The following MFSD1 variants were observed in gnomAD, a reference collection of about 807,000 sequenced individuals.
The protein encoded by MFSD1 is lysosomal dipeptide transporter MFSD1.
In MFSD1, 59 loss-of-function variants were observed where a neutral mutation model predicts 67.1. The observed-to-expected ratio is 0.88, with a 90% CI of 0.71 to 1.09. The LOEUF is 1.09. MFSD1 is among the 50% of genes least tolerant of loss of function. MFSD1 has a pLI of 0.00. For synonymous variants in MFSD1, 213 were observed against 200.3 expected (o/e 1.06, Z -0.54); for missense variants, 552 against 566.1 (o/e 0.97, Z 0.25).
chr3:158,821,752 A>G (rs1438889194), intron 10 of MFSD1, 99 bp downstream of exon 10: 2 of 1,142,368 alleles, frequency 1.8e-6, no homozygotes, highest in East Asian at 2.4e-5. Context: ...GTGACCTAAT[A>G]TTTTTTAAGT....
At chr3:158,821,800 G>C (rs1002322333) in intron 10 of MFSD1, 147 bp downstream of exon 10, 1 of 940,494 alleles carries the variant, frequency 1.1e-6, no homozygotes, top group Non-Finnish European at 1.6e-6. Flanking sequence ...AATCCTGAGT[G>C]GCTGTGTTTA....
At chr3:158,827,927 A>AGG (rs1731080753) in intron 15 of MFSD1, among the ~76,000 whole-genome samples, 2 of 80,524 alleles carry the variant, frequency 2.5e-5, no homozygotes, top group Non-Finnish European at 4.5e-5. Flanking sequence ...AGAGAGAGAG[A>AGG]GAGAGAGAGA....
At chr3:158,817,681 A>G (rs1730443693) in intron 7 of MFSD1, among the ~76,000 whole-genome samples, 2 of 152,194 alleles carry the variant, frequency 1.3e-5, no homozygotes, top group African/African-American at 4.8e-5. Flanking sequence ...TGCCCAAGGT[A>G]GTTTATAGAT....
At chr3:158,817,832 C>T (rs1219812573) in intron 7 of MFSD1, among the ~76,000 whole-genome samples, 3 of 152,210 alleles carry the variant, frequency 2.0e-5, no homozygotes, top group African/African-American at 7.2e-5. Flanking sequence ...AGGCATCACG[C>T]TACCTGACGT....
At chr3:158,820,085 T>C (rs2108228160) in intron 8 of MFSD1, 130 bp from the exon 9 acceptor site, 1 of 590,538 alleles carries the variant, frequency 1.7e-6, no homozygotes, top group East Asian at 2.8e-5. Flanking sequence ...TGTAATTTAC[T>C]AGAAAAGTAT....
chr3:158,810,471 A>G (rs1729947760), intron 6 of MFSD1, among the ~76,000 whole-genome samples: 1 of 152,226 alleles, frequency 6.6e-6, no homozygotes, highest in Admixed American at 6.5e-5. Flanking sequence ...TTTTCATATA[A>G]TACTTCATCA....
At chr3:158,821,914 C>T in intron 10 of MFSD1, 70 bp from the exon 11 acceptor site, 2 of 1,509,560 alleles carry the variant, frequency 1.3e-6, no homozygotes, top group African/African-American at 1.4e-5. Flanking sequence ...CTGATATTTT[C>T]AAGACTTTCT....
intron 1 of MFSD1, among the ~76,000 whole-genome samples, chr3:158,803,037 C>T (rs1473760535): frequency 6.6e-6 from 1 of 152,196 alleles, no homozygotes; most frequent in East Asian, 1.9e-4. Flanking sequence ...CTTAATCTTC[C>T]ACTCTGCCAC....
chr3:158,810,948 G>A (rs1729976042), intron 6 of MFSD1, among the ~76,000 whole-genome samples: 1 of 152,058 alleles, frequency 6.6e-6, no homozygotes, highest in Non-Finnish European at 1.5e-5. Flanking sequence ...GAATCTAGTT[G>A]TCTAACAACT....
intron 7 of MFSD1, among the ~76,000 whole-genome samples, chr3:158,818,032 G>T (rs1041365869): frequency 6.6e-6 from 1 of 152,058 alleles, no homozygotes; most frequent in Non-Finnish European, 1.5e-5. Context: ...GTTGCTGGGT[G>T]GGTCACTGGG....
intron 3 of MFSD1, among the ~76,000 whole-genome samples, chr3:158,805,753 T>C (rs948084130): frequency 6.6e-6 from 1 of 152,222 alleles, no homozygotes; most frequent in Non-Finnish European, 1.5e-5. Context: ...AGGTTCTGAA[T>C]CTTATCGTTG....
At chr3:158,802,570 A>G in intron 1 of MFSD1, 2 of 696,898 alleles carry the variant, frequency 2.9e-6, no homozygotes, top group African/African-American at 1.7e-5. Flanking sequence ...GCTCTTCAGT[A>G]AGTCCCAGGG....
At chr3:158,825,898 A>G in intron 13 of MFSD1, 117 bp from the exon 14 acceptor site, 1 of 756,066 alleles carries the variant, frequency 1.3e-6, no homozygotes, top group Non-Finnish European at 2.2e-6. Flanking sequence ...ATTTTTATTT[A>G]AAATAGCAAT....
At chr3:158,804,643 G>T (rs1729630179) in intron 2 of MFSD1, among the ~76,000 whole-genome samples, 1 of 152,176 alleles carries the variant, frequency 6.6e-6, no homozygotes, top group East Asian at 1.9e-4. Context: ...AAAAATATGA[G>T]CAGGTTTTTG....
intron 1 of MFSD1, among the ~76,000 whole-genome samples, chr3:158,803,655 T>C (rs971395412): frequency 1.3e-5 from 2 of 152,202 alleles, no homozygotes; most frequent in African/African-American, 4.8e-5. Flanking sequence ...ATGGAGGCAA[T>C]ATTTTCTTGT....
chr3:158,807,153 G>T (rs1729771689), intron 4 of MFSD1, 71 bp downstream of exon 4: 1 of 1,398,484 alleles, frequency 7.2e-7, no homozygotes, highest in Non-Finnish European at 1.0e-6. Context: ...AATTCCATTG[G>T]CAAAGCTGTG....
intron 7 of MFSD1, 120 bp downstream of exon 7, chr3:158,814,187 G>A (rs988264868): frequency 3.4e-5 from 21 of 626,826 alleles, no homozygotes; most frequent in Non-Finnish European, 5.5e-5. Flanking sequence ...TTGTCTCCAT[G>A]GTTCTAATGA....
chr3:158,805,572 G>A, intron 3 of MFSD1, 98 bp downstream of exon 3: 1 of 915,074 alleles, frequency 1.1e-6, no homozygotes, highest in Non-Finnish European at 1.8e-6. Context: ...ATAAACTTCT[G>A]TATTAACTAA....
chr3:158,820,080 T>G, intron 8 of MFSD1, 135 bp from the exon 9 acceptor site: 1 of 584,326 alleles, frequency 1.7e-6, no homozygotes, highest in East Asian at 2.8e-5. Flanking sequence ...GTTTGTGTAA[T>G]TTACTAGAAA....
Sources: gnomAD v4.1 joint callset for allele counts (sites outside exome capture counted in the v4.1 genomes callset) on GRCh38, gnomAD v4.1.1 for gene constraint, MANE v1.5 for transcripts, NCBI Gene and HGNC (gene_info 2026-07-23, HGNC 2026-07-21) for gene names.